HSD17B12: variants seen among roughly 807,000 people sequenced by gnomAD.
HSD17B12 encodes hydroxysteroid 17-beta dehydrogenase 12.
A neutral mutation model predicts 39.3 loss-of-function variants in HSD17B12; 32 were observed. That is an observed-to-expected ratio of 0.81 (90% CI 0.61 to 1.09). HSD17B12 has a LOEUF of 1.09. HSD17B12 is among the 50% of genes least tolerant of loss of function. The pLI, the probability that HSD17B12 is intolerant of heterozygous loss-of-function variation, is 0.00. For synonymous variants in HSD17B12, 150 were observed against 146.7 expected (o/e 1.02, Z -0.16); for missense variants, 342 against 382.9 (o/e 0.89, Z 0.89).
At chr11:43,800,389 A>G (rs1950955183) in intron 4 of HSD17B12, among the ~76,000 whole-genome samples, 2 of 152,302 alleles carry the variant, frequency 1.3e-5, no homozygotes, top group Admixed American at 6.5e-5. Context: ...TAAATTCATC[A>G]CAGTTGTGTT....
In HSD17B12 at chr11:43,740,945, C is replaced by T. The variant is rs146289253; in HGVS notation, c.161-9966C>T. ...GTGCATTTAACACATGAAGGATGGCCTCCCCAGGGTAGTTTTTGCACATTG... is the reference window on the plus strand; with the variant it reads ...GTGCATTTAACACATGAAGGATGGCTTCCCCAGGGTAGTTTTTGCACATTG... On this transcript the variant is annotated intron_variant, in intron 1 of 10. Coordinates refer to ENST00000278353, the MANE Select transcript of HSD17B12 (RefSeq NM_016142.3). Among the ~76,000 whole-genome samples, 1,070 of 152,336 alleles carry T rather than the reference C, an allele frequency of 7.0e-3. 6 individuals carry two copies. Among genetic ancestry groups the T allele is most frequent in the Non-Finnish European group, 0.01 (709 of 68,032 alleles).
chr11:43,750,307 C>G (rs1489293002), intron 1 of HSD17B12, among the ~76,000 whole-genome samples: 2 of 152,108 alleles, frequency 1.3e-5, no homozygotes, highest in African/African-American at 2.4e-5. Flanking sequence ...TTTTCTTAAA[C>G]TTACATTTTT....
At chr11:43,679,880 G>A (rs191513676), upstream of HSD17B12, among the ~76,000 whole-genome samples, 269 of 152,160 alleles carry the variant, frequency 1.8e-3, 3 homozygotes, top group African/African-American at 5.4e-3. Flanking sequence ...AGTGTAACCC[G>A]GGCGAATGCC....
At chr11:43,637,861 T>C in the HSD17B12 span, among the ~76,000 whole-genome samples, 2 of 152,108 alleles carry the variant, frequency 1.3e-5, no homozygotes, top group Non-Finnish European at 2.9e-5. Context: ...GTAAATACCA[T>C]TGTGGATGGG....
chr11:43,679,793 C>T (rs917545222), upstream of HSD17B12, among the ~76,000 whole-genome samples: 1 of 152,020 alleles, frequency 6.6e-6, no homozygotes, highest in Non-Finnish European at 1.5e-5. Flanking sequence ...GCCTTGAACC[C>T]CAAATCGTTG....
In HSD17B12 at chr11:43,730,711, C is replaced by T. The variant is rs991914216; in HGVS notation, c.161-20200C>T. Among the ~76,000 whole-genome samples, 7 of 152,126 alleles carry T rather than the reference C, an allele frequency of 4.6e-5. No individual in the cohort carries two copies. The East Asian group carries it at 7.7e-4, about 17-fold the overall frequency. ...TGACAAGTAGATTTACTTGATTTCT[C>T]CTAGGTGTAAAGTACCTAGGGGTGT... On this transcript the variant is annotated intron_variant, in intron 1 of 10. Coordinates refer to ENST00000278353, the MANE Select transcript of HSD17B12 (RefSeq NM_016142.3).
the HSD17B12 span, among the ~76,000 whole-genome samples, chr11:43,610,739 T>A: frequency 6.6e-6 from 1 of 152,168 alleles, no homozygotes. Flanking sequence ...TGGGCATATT[T>A]AAATTAATGC....
At position 43,809,735 on chromosome 11, in the gene HSD17B12, G is replaced by A. The variant is rs542012872; in HGVS notation, c.392-5702G>A. Reference sequence around the variant, plus strand: ...CTCAGTAGGCTGAGGCAGGAGAATCGCTTGAACCCAGGAGACGGATTGCAG... The same window carrying A: ...CTCAGTAGGCTGAGGCAGGAGAATCACTTGAACCCAGGAGACGGATTGCAG... On this transcript the variant is annotated intron_variant, in intron 4 of 10. Coordinates refer to ENST00000278353, the MANE Select transcript of HSD17B12 (RefSeq NM_016142.3). Among the ~76,000 whole-genome samples the A allele has an allele frequency of 5.3e-5, 8 of 152,290 alleles. No individual in the cohort carries two copies. The East Asian group carries it at 5.8e-4, about 11-fold the overall frequency.
chr11:43,607,657 A>G, the HSD17B12 span, among the ~76,000 whole-genome samples: 12 of 152,244 alleles, frequency 7.9e-5, no homozygotes, highest in Admixed American at 6.5e-4. Context: ...AGAAATTCAC[A>G]TATTAAAAAT....
intron 6 of HSD17B12, among the ~76,000 whole-genome samples, chr11:43,828,107 G>T (rs1951265793): frequency 6.7e-6 from 1 of 149,934 alleles, no homozygotes; most frequent in African/African-American, 2.5e-5. Flanking sequence ...TCTCACTGTT[G>T]TAGAAGCACA....
chr11:43,617,137 A>G, the HSD17B12 span, among the ~76,000 whole-genome samples: 2 of 152,150 alleles, frequency 1.3e-5, no homozygotes, highest in Non-Finnish European at 2.9e-5. Context: ...AGCATCTTCT[A>G]TTCATCAGCT....
At chr11:43,594,403 A>G in the HSD17B12 span, among the ~76,000 whole-genome samples, 2 of 152,254 alleles carry the variant, frequency 1.3e-5, no homozygotes, top group East Asian at 3.9e-4. Context: ...CAGGAAAAGC[A>G]TTCAATATAG....
chr11:43,614,374 A>G, the HSD17B12 span, among the ~76,000 whole-genome samples: 2 of 152,204 alleles, frequency 1.3e-5, no homozygotes, highest in African/African-American at 4.8e-5. Context: ...AGTCATCAAT[A>G]ATTACATTTT....
chr11:43,733,454 G>A (rs1181713965), intron 1 of HSD17B12, among the ~76,000 whole-genome samples: 1 of 152,152 alleles, frequency 6.6e-6, no homozygotes, highest in Non-Finnish European at 1.5e-5. Context: ...CTGCTACTGT[G>A]TTTGGCACAT....
chr11:43,804,634 G>A (rs2135057494), intron 4 of HSD17B12, among the ~76,000 whole-genome samples: 1 of 152,184 alleles, frequency 6.6e-6, no homozygotes, highest in South Asian at 2.1e-4. Context: ...ATCCTTGCCT[G>A]TGCCACCACT....
intron 9 of HSD17B12, chr11:43,853,551 G>C (rs570090792): frequency 6.6e-6 from 1 of 152,416 alleles, no homozygotes; most frequent in African/African-American, 2.4e-5. Context: ...ACTTGGGGAG[G>C]CTGAAGTGGG....
intron 1 of HSD17B12, among the ~76,000 whole-genome samples, chr11:43,689,914 TA>T (rs1226087931): frequency 6.6e-6 from 1 of 152,090 alleles, no homozygotes; most frequent in Non-Finnish European, 1.5e-5. Flanking sequence ...CCACTACTCT[TA>T]CTCCGTTCCA....
chr11:43,574,350 G>A, the HSD17B12 span, among the ~76,000 whole-genome samples: 1 of 152,216 alleles, frequency 6.6e-6, no homozygotes, highest in East Asian at 1.9e-4. Context: ...AGGGAAGGTC[G>A]ATAATTAGGG....
chr11:43,643,356 T>C, the HSD17B12 span, among the ~76,000 whole-genome samples: 2 of 152,188 alleles, frequency 1.3e-5, no homozygotes, highest in African/African-American at 4.8e-5. Flanking sequence ...TTTTAAACTC[T>C]TATTTTTAAT....
Sources: allele counts gnomAD v4.1 joint callset (sites outside exome capture counted in the v4.1 genomes callset), GRCh38; gene constraint gnomAD v4.1.1; transcripts MANE v1.5; gene names NCBI Gene and HGNC (gene_info 2026-07-23, HGNC 2026-07-21).